Variants in GRIK2 observed in about 807,000 individuals in gnomAD.
The protein encoded by GRIK2 is glutamate receptor ionotropic, kainate 2.
Under a neutral mutation model 100.3 loss-of-function variants are expected in GRIK2, and 32 were observed. The ratio of observed to expected loss-of-function variants is 0.32; its 90% CI spans 0.24 to 0.43. The LOEUF (loss-of-function observed/expected upper bound fraction) is 0.43. GRIK2 is among the 20% of genes least tolerant of loss of function. The pLI, the probability that GRIK2 is intolerant of heterozygous loss-of-function variation, is 1.00. For missense variants in GRIK2, 843 were observed against 1,114.9 expected, an observed-to-expected ratio of 0.76 and a Z score of 3.47; for synonymous variants, 417 against 389.4, an observed-to-expected ratio of 1.07 and a Z score of -0.83.
intron 2 of GRIK2, among the ~76,000 whole-genome samples, chr6:101,549,599 T>C (rs955461614): frequency 6.6e-6 from 1 of 152,134 alleles, no homozygotes; most frequent in Non-Finnish European, 1.5e-5. Context: ...TTTTTTCTTT[T>C]AGTTTAAGTT....
intron 14 of GRIK2, among the ~76,000 whole-genome samples, chr6:101,976,622 G>A (rs904111335): frequency 2.0e-5 from 3 of 151,864 alleles, no homozygotes; most frequent in African/African-American, 7.3e-5. Flanking sequence ...AGGAGTTTGA[G>A]GCTGCAGTGA....
chr6:101,998,099 A>C (rs893218104), intron 14 of GRIK2, among the ~76,000 whole-genome samples: 1 of 152,120 alleles, frequency 6.6e-6, no homozygotes, highest in Non-Finnish European at 1.5e-5. Context: ...AATATGGACC[A>C]CACACCTTTT....
intron 15 of GRIK2, among the ~76,000 whole-genome samples, chr6:102,053,111 C>CACACACACAT (rs1554197952): frequency 6.6e-6 from 1 of 151,852 alleles, no homozygotes; most frequent in Non-Finnish European, 1.5e-5. Context: ...CACACACACA[C>CACACACACAT]ACATACATAC....
chr6:101,409,308 A>G (rs138823808), intron 2 of GRIK2, among the ~76,000 whole-genome samples: 6 of 152,088 alleles, frequency 3.9e-5, no homozygotes, highest in Non-Finnish European at 8.8e-5. Context: ...TGGCTGTAAC[A>G]TATAGCCTAG....
intron 2 of GRIK2, among the ~76,000 whole-genome samples, chr6:101,514,401 G>A (rs1774475229): frequency 6.6e-6 from 1 of 152,004 alleles, no homozygotes; most frequent in African/African-American, 2.4e-5. Flanking sequence ...GAAAGCAGAA[G>A]GAAGAGGCTC....
In GRIK2 at chr6:101,818,491, T is replaced by G; in HGVS notation, c.1317+8T>G. 2.0e-6 allele frequency: 3 copies of G among 1,468,834 alleles called. No individual in the cohort carries two copies. The East Asian group carries it at 6.8e-5, about 33-fold the overall frequency. The allele number at this position is 1,468,834 out of a possible 1,614,324, so 91.0% of individuals were successfully genotyped here. ...ATTGTTACCACCATTTTGGTAAGTATTTGCTTTTCCATTATTCTTAGTTAA... is the reference window on the plus strand; with the variant it reads ...ATTGTTACCACCATTTTGGTAAGTAGTTGCTTTTCCATTATTCTTAGTTAA... On this transcript the variant is annotated splice_region_variant and intron_variant, in intron 10 of 16. Coordinates refer to ENST00000369134, the MANE Select transcript of GRIK2 (RefSeq NM_021956.5).
intron 9 of GRIK2, among the ~76,000 whole-genome samples, chr6:101,807,198 C>A (rs9377308): frequency 0.11 from 16,525 of 151,684 alleles, 1,909 homozygotes; most frequent in East Asian, 0.66. Flanking sequence ...AGACAATAGT[C>A]AAGGGATCAG....
At chr6:101,892,057 T>C (rs571996083) in intron 12 of GRIK2, among the ~76,000 whole-genome samples, 2 of 152,214 alleles carry the variant, frequency 1.3e-5, no homozygotes, top group Admixed American at 6.6e-5. Context: ...TGTTTGCATG[T>C]ACCCTTGTTT....
chr6:101,793,280 T>C (rs552441495), intron 7 of GRIK2, among the ~76,000 whole-genome samples: 16 of 152,278 alleles, frequency 1.1e-4, no homozygotes, highest in African/African-American at 3.4e-4. Context: ...GGAGGAGAGG[T>C]GCTCTGCTTT....
At chr6:101,809,162 A>G (rs944057253) in intron 9 of GRIK2, among the ~76,000 whole-genome samples, 5 of 151,900 alleles carry the variant, frequency 3.3e-5, no homozygotes, top group Non-Finnish European at 5.9e-5. Flanking sequence ...TGCATCCACC[A>G]GTATAGAGAC....
chr6:101,936,659 T>C (rs1404730627), intron 14 of GRIK2, among the ~76,000 whole-genome samples: 2 of 152,112 alleles, frequency 1.3e-5, no homozygotes, highest in Non-Finnish European at 2.9e-5. Flanking sequence ...CAACACCATT[T>C]TACTATGTTC....
intron 14 of GRIK2, among the ~76,000 whole-genome samples, chr6:101,988,643 T>C (rs905490549): frequency 1.3e-5 from 2 of 151,850 alleles, no homozygotes; most frequent in African/African-American, 4.8e-5. Flanking sequence ...CTAGAATACG[T>C]GGTTAATGGA....
chr6:102,050,704 A>AAAAAAG (rs375670253), intron 15 of GRIK2, among the ~76,000 whole-genome samples: 4 of 151,276 alleles, frequency 2.6e-5, no homozygotes, highest in Admixed American at 2.6e-4. Context: ...AGGAAAGGCA[A>AAAAAAG]AAAAAGAAAA....
intron 2 of GRIK2, among the ~76,000 whole-genome samples, chr6:101,512,451 G>A (rs2128278544): frequency 6.6e-6 from 1 of 152,010 alleles, no homozygotes; most frequent in South Asian, 2.1e-4. Context: ...AGATCTAAGT[G>A]GAAAATAAAT....
intron 1 of GRIK2, among the ~76,000 whole-genome samples, chr6:101,398,359 T>C (rs1278622880): frequency 1.3e-5 from 2 of 152,230 alleles, no homozygotes; most frequent in Non-Finnish European, 2.9e-5. Context: ...AAAAGTTCAC[T>C]GAAGAAATTT....
chr6:101,868,757 C>T (rs1451716260), intron 11 of GRIK2, among the ~76,000 whole-genome samples: 1 of 151,682 alleles, frequency 6.6e-6, no homozygotes, highest in Non-Finnish European at 1.5e-5. Context: ...CATAAAGTTT[C>T]TTTTCAAAGT....
chr6:101,716,292 G>A (rs1002653016), intron 7 of GRIK2, among the ~76,000 whole-genome samples: 1 of 151,398 alleles, frequency 6.6e-6, no homozygotes, highest in South Asian at 2.1e-4. Context: ...GTTAATTGGT[G>A]GAATCTAATG....
At chr6:101,996,642 G>A (rs1253782226) in intron 14 of GRIK2, among the ~76,000 whole-genome samples, 2 of 152,042 alleles carry the variant, frequency 1.3e-5, no homozygotes, top group Non-Finnish European at 2.9e-5. Context: ...CGTTATTGCT[G>A]AAGAGTAGAC....
At chr6:101,641,224 A>G (rs538719430) in intron 4 of GRIK2, among the ~76,000 whole-genome samples, 165 of 152,168 alleles carry the variant, frequency 1.1e-3, no homozygotes, top group African/African-American at 3.4e-3. Context: ...TTACTTTTTA[A>G]CTTTTAAAAA....
Sources: allele counts gnomAD v4.1 joint callset (sites outside exome capture counted in the v4.1 genomes callset), GRCh38; gene constraint gnomAD v4.1.1; transcripts MANE v1.5; gene names NCBI Gene and HGNC (gene_info 2026-07-23, HGNC 2026-07-21).